PGK1: variants seen among roughly 807,000 people sequenced by gnomAD.
PGK1 encodes the protein phosphoglycerate kinase 1.
Under a neutral mutation model 26.9 loss-of-function variants are expected in PGK1, and 3 were observed. The ratio of observed to expected loss-of-function variants is 0.11; its 90% confidence interval spans 0.05 to 0.29. The LOEUF is 0.29. Among genes scored for constraint, PGK1 ranks in the 10% least tolerant of loss-of-function variants. The pLI is 1.00. For missense variants in PGK1, 270 were observed against 314.7 expected (o/e 0.86, Z 1.07); for synonymous variants, 125 against 115.3 (o/e 1.08, Z -0.54).
rs2078384501 is a variant in PGK1 at position 78,126,520 on chromosome X, C to CA, written c.*696dup. The CA allele has an allele frequency of 8.9e-6, 1 of 111,915 alleles. No individual in the cohort carries two copies. The highest frequency in any genetic ancestry group is 3.3e-5 in the African/African-American group (1 of 30,726). 9.2% of individuals were successfully genotyped at this position (111,915 alleles called of 1,213,427 possible). ...TAATTTAAAAAGTCAAGGCTTATAA[C>CA]AAAAAAGCCCCAGCCCATTCCTCCC... On this transcript the variant is annotated 3_prime_UTR_variant, in exon 11 of 11. Coordinates refer to ENST00000373316, the MANE Select transcript of PGK1 (RefSeq NM_000291.4).
At chrX:78,118,785 G>T (rs782120479) in intron 6 of PGK1, among the ~76,000 whole-genome samples, 3 of 110,538 alleles carry the variant, frequency 2.7e-5, no homozygotes, top group Non-Finnish European at 5.7e-5. Flanking sequence ...GCTATCTGAT[G>T]GGAACTGTAG....
chrX:78,116,107 A>G (rs1424099154), intron 4 of PGK1, among the ~76,000 whole-genome samples: 2 of 108,915 alleles, frequency 1.8e-5, no homozygotes, highest in Non-Finnish European at 3.8e-5. Context: ...TGATCCTCCC[A>G]TATTGGCCTC....
intron 8 of PGK1, 79 bp downstream of exon 8, chrX:78,123,453 A>G: frequency 1.2e-6 from 1 of 813,457 alleles, no homozygotes; most frequent in African/African-American, 2.0e-5. Context: ...CAGCCAATCA[A>G]CAAGCATTTT....
intron 1 of PGK1, among the ~76,000 whole-genome samples, chrX:78,108,919 G>A (rs1355091317): frequency 1.8e-5 from 2 of 111,875 alleles, no homozygotes; most frequent in African/African-American, 6.5e-5. Flanking sequence ...CAGTAACTAC[G>A]AGGTAGATAC....
chrX:78,114,207 G>A, intron 4 of PGK1, 47 bp downstream of exon 4: 4 of 1,115,603 alleles, frequency 3.6e-6, no homozygotes, highest in Non-Finnish European at 5.0e-6. Flanking sequence ...GCCTGAGTCT[G>A]TAAGAGACTG....
chrX:78,116,533 T>C (rs188102664), intron 4 of PGK1, among the ~76,000 whole-genome samples: 173 of 112,108 alleles, frequency 1.5e-3, no homozygotes, highest in African/African-American at 5.4e-3. Context: ...CTATGTACTC[T>C]TCTGTGTCCT....
At position 78,128,646 on chromosome X, in the gene PGK1, T is replaced by C. The variant is rs1357772872; in HGVS notation, c.*2816T>C. 1.8e-5 allele frequency: 2 copies of C among 112,652 alleles called. No homozygotes were observed. The highest frequency in any genetic ancestry group is 3.7e-5 in the Non-Finnish European group (2 of 53,375). 9.3% of individuals were successfully genotyped at this position (112,652 alleles called of 1,213,427 possible). ...AAGGTGTATGCTTTAAGTTGTAAATTCACCTTTAACCCTAGACTATATATG... is the reference window on the plus strand; with the variant it reads ...AAGGTGTATGCTTTAAGTTGTAAATCCACCTTTAACCCTAGACTATATATG... On this transcript the variant is annotated 3_prime_UTR_variant, in exon 11 of 11. Transcript: ENST00000373316.
intron 1 of PGK1, among the ~76,000 whole-genome samples, chrX:78,109,465 T>C (rs935377539): frequency 4.5e-5 from 5 of 111,308 alleles, no homozygotes; most frequent in Non-Finnish European, 7.5e-5. Flanking sequence ...CAGACAGATA[T>C]CTTTTTAGGT....
rs781839448 is a variant in PGK1, at chrX:78,104,278, C to G, written c.-63C>G. On this transcript the variant is annotated 5_prime_UTR_variant, in exon 1 of 11. Transcript: ENST00000373316. ...GCATTCTGCAAGCCTCCGGAGCGCA[C>G]GTCGGCAGTCGGCTCCCTCGTTGAC... 2 of 863,007 alleles carry G rather than the reference C, an allele frequency of 2.3e-6. No homozygotes were observed. The highest frequency in any genetic ancestry group is 3.4e-6 in the Non-Finnish European group (2 of 581,187). The allele number at this position is 863,007 out of a possible 1,213,427, so 71.1% of individuals were successfully genotyped here.
In PGK1 at chrX:78,125,965, T is replaced by C. The variant is rs2078381430; in HGVS notation, c.*135T>C. The C allele has an allele frequency of 1.7e-6, 1 of 579,350 alleles. No homozygotes were observed. Among genetic ancestry groups the C allele is most frequent in the South Asian group, 2.3e-5 (1 of 42,948 alleles). The allele number at this position is 579,350 out of a possible 1,213,427, so 47.7% of individuals were successfully genotyped here. A position where few individuals can be genotyped will look rare whatever the true frequency, so the allele number is the denominator to read the frequency against. ...CCAAGAGATGCAGTGCCAGGAACCC[T>C]TAAACAGTTGCACAGCATCTCAGCT... is the stretch of plus-strand genomic sequence containing the variant. On this transcript the variant is annotated 3_prime_UTR_variant, in exon 11 of 11. Coordinates refer to ENST00000373316, the MANE Select transcript of PGK1 (RefSeq NM_000291.4).
At position 78,115,826 on chromosome X, in the gene PGK1, A is replaced by C. The variant is rs782816661; in HGVS notation, c.418-1486A>C. 4.7e-4 allele frequency among the ~76,000 whole-genome samples: 52 copies of C among 111,210 alleles called. No homozygotes were observed. The Admixed American group carries it at 5.0e-3, about 11-fold the overall frequency. ...TTCCATGGCACCTTTTTTCATGAAG[A>C]GCTTTCAATTTACCCTGTTTTTCCT... On this transcript the variant is annotated intron_variant, in intron 4 of 10. Transcript: ENST00000373316.
rs902281322 is a variant in PGK1, at chrX:78,126,217, T to G, written c.*387T>G. On this transcript the variant is annotated 3_prime_UTR_variant, in exon 11 of 11. Coordinates refer to ENST00000373316, the MANE Select transcript of PGK1 (RefSeq NM_000291.4). Reference sequence around the variant, plus strand: ...AAGATGAAATTCCATTTGTAGGTAGTGAGACAAAATTGATGATCCATTAAG... The same window carrying G: ...AAGATGAAATTCCATTTGTAGGTAGGGAGACAAAATTGATGATCCATTAAG... 3 of 178,445 alleles carry G rather than the reference T, an allele frequency of 1.7e-5. No homozygotes were observed. The highest frequency in any genetic ancestry group is 2.1e-5 in the Non-Finnish European group (2 of 94,075). The allele number at this position is 178,445 out of a possible 1,213,427, so 14.7% of individuals were successfully genotyped here.
rs1279605535 is a variant in PGK1 at position 78,120,346 on chromosome X, C to CAT, written c.641+2177_641+2178insTA. Among the ~76,000 whole-genome samples the CAT allele has an allele frequency of 2.4e-4, 22 of 93,557 alleles. No homozygotes were observed. In the Admixed American group the frequency reaches 2.7e-3, roughly 11 times the overall value. The allele number at this position is 93,557 out of a possible 115,157, so 81.2% of individuals were successfully genotyped here. ...TCAGGAATGTACACACACACACACACACATATATATACACACACACACGTA... is the reference window on the plus strand; with the variant it reads ...TCAGGAATGTACACACACACACACACATACATATATATACACACACACACGTA... On this transcript the variant is annotated intron_variant, in intron 6 of 10. Coordinates refer to ENST00000373316, the MANE Select transcript of PGK1 (RefSeq NM_000291.4).
chrX:78,114,268 T>G (rs1273466819), intron 4 of PGK1, 108 bp downstream of exon 4: 6 of 804,159 alleles, frequency 7.5e-6, no homozygotes, highest in African/African-American at 2.0e-5. Context: ...CACCTTTTAT[T>G]GAAGCATACA....
chrX:78,106,537 C>T (rs2078273515), intron 1 of PGK1: 4 of 752,151 alleles, frequency 5.3e-6, no homozygotes, highest in Non-Finnish European at 6.3e-6. Flanking sequence ...TGGTTGCTGG[C>T]GGTGTTTCCG....
At chrX:78,113,332 A>G (rs1271455806) in intron 2 of PGK1, among the ~76,000 whole-genome samples, 1 of 111,549 alleles carries the variant, frequency 9.0e-6, no homozygotes, top group Non-Finnish European at 1.9e-5. Flanking sequence ...AAAAAATTCT[A>G]GACTTCTAGA....
At chrX:78,112,038 T>G (rs1184875263) in intron 2 of PGK1, among the ~76,000 whole-genome samples, 2 of 112,204 alleles carry the variant, frequency 1.8e-5, no homozygotes, top group Non-Finnish European at 3.8e-5. Context: ...AAAGTATAAC[T>G]TTTTTAATCA....
intron 1 of PGK1, among the ~76,000 whole-genome samples, chrX:78,109,244 T>A (rs782035902): frequency 8.9e-6 from 1 of 111,848 alleles, no homozygotes; most frequent in East Asian, 2.8e-4. Flanking sequence ...GTTGTGTGTA[T>A]TGCTTGAAGG....
intron 4 of PGK1, among the ~76,000 whole-genome samples, chrX:78,116,684 T>C (rs1383414590): frequency 8.9e-6 from 1 of 112,891 alleles, no homozygotes; most frequent in Non-Finnish European, 1.9e-5. Context: ...TAAAGCTCTA[T>C]GTTTAACTTC....
Sources: allele counts gnomAD v4.1 joint callset (sites outside exome capture counted in the v4.1 genomes callset), GRCh38; gene constraint gnomAD v4.1.1; transcripts MANE v1.5; gene names NCBI Gene and HGNC (gene_info 2026-07-23, HGNC 2026-07-21).